CADPS: variants seen among roughly 807,000 people sequenced by gnomAD.
CADPS encodes the protein calcium dependent secretion activator, also known as calcium-dependent secretion activator 1.
CADPS carries 57 observed loss-of-function variants against 167.3 expected under a neutral mutation model. The observed-to-expected ratio is 0.34, with a 90% confidence interval of 0.28 to 0.42. The LOEUF is 0.42. CADPS is among the 20% of genes least tolerant of loss of function. The pLI is 1.00. For missense variants in CADPS, 1,414 were observed against 1,738.1 expected (o/e 0.81, Z 3.32); for synonymous variants, 676 against 635.3 (o/e 1.06, Z -0.96).
At chr3:62,533,709 C>T (rs1031664858) in intron 12 of CADPS, among the ~76,000 whole-genome samples, 7 of 152,098 alleles carry the variant, frequency 4.6e-5, no homozygotes, top group African/African-American at 1.7e-4. Flanking sequence ...TACATACATG[C>T]CAGGACTTCA....
At chr3:62,775,218 GT>G (rs1184946592) in intron 1 of CADPS, among the ~76,000 whole-genome samples, 1 of 30,322 alleles carries the variant, frequency 3.3e-5, no homozygotes, top group African/African-American at 1.1e-4. Context: ...TTGTATTTTT[GT>G]ATTTTTTTTT....
chr3:62,784,459 G>T (rs1188622673), intron 1 of CADPS, among the ~76,000 whole-genome samples: 1 of 152,062 alleles, frequency 6.6e-6, no homozygotes, highest in Non-Finnish European at 1.5e-5. Context: ...TCTTCACCCT[G>T]TTGCAACTCC....
chr3:62,815,195 C>G (rs1465021575), intron 1 of CADPS, among the ~76,000 whole-genome samples: 1 of 151,924 alleles, frequency 6.6e-6, no homozygotes, highest in Non-Finnish European at 1.5e-5. Flanking sequence ...TAGCCCTGTA[C>G]TGGAAACAAC....
chr3:62,627,109 A>T (rs949918036), intron 6 of CADPS, among the ~76,000 whole-genome samples: 1 of 148,956 alleles, frequency 6.7e-6, no homozygotes, highest in African/African-American at 2.5e-5. Context: ...AATCATTTCC[A>T]TGTTACATTT....
rs554428374 is a variant in CADPS, at chr3:62,495,769, T to C, written c.2707-2104A>G. On this transcript the variant is annotated intron_variant, in intron 18 of 29. Coordinates refer to ENST00000383710, the MANE Select transcript of CADPS (RefSeq NM_003716.4). ...CATGAAGGCATAATTCGTGTGTGTA[T>C]GTTTGTGAATAGATTAGACTCTGGA... 7.9e-5 allele frequency among the ~76,000 whole-genome samples: 12 copies of C among 152,336 alleles called. No homozygotes were observed. The East Asian group carries it at 2.3e-3, about 29-fold the overall frequency.
chr3:62,479,899 G>T (rs1431554247), intron 22 of CADPS, among the ~76,000 whole-genome samples: 14 of 152,156 alleles, frequency 9.2e-5, no homozygotes, highest in African/African-American at 3.4e-4. Flanking sequence ...CTATGCTTGG[G>T]AAAAAGAAAC....
chr3:62,491,398 C>A lies in CADPS; in HGVS notation c.2967G>T (p.Glu989Asp), dbSNP rs1036402798. Residue 989 changes from glutamate (E) to aspartate (D), a missense_variant, in exon 21 of 30, where the codon GAG becomes GAT. This residue lies in a region of CADPS where 529 missense variants were observed against 629.6 expected (regional missense o/e 0.84). Coordinates refer to ENST00000383710, the MANE Select transcript of CADPS (RefSeq NM_003716.4). ...TGTGAATGGATTGTGCAATTGAGGA[C>A]TCCATCAGATCCACATATCTAACAA... is the stretch of plus-strand genomic sequence containing the variant. ...PLVVRYVDLMESSIAQSIHRG... is the reference protein window; with the variant it reads ...PLVVRYVDLMDSSIAQSIHRG... 2.5e-6 allele frequency: 4 copies of A among 1,614,170 alleles called. No homozygotes were observed. The highest frequency in any genetic ancestry group is 1.7e-5 in the Admixed American group (1 of 60,014).
intron 9 of CADPS, among the ~76,000 whole-genome samples, chr3:62,569,450 G>GGC (rs1370016515): frequency 1.3e-5 from 2 of 152,156 alleles, no homozygotes; most frequent in Non-Finnish European, 2.9e-5. Context: ...TGTTCTTTGC[G>GGC]GCTAAATCAC....
Position 62,767,520 on chromosome 3 carries a change from A to G in CADPS, c.442-1536T>C, listed in dbSNP as rs2087234135. ...TGATTTTACTGTTAGAGTCAATATA[A>G]TTAGAAAATAAAGTTTAAAGCTTTA... On this transcript the variant is annotated intron_variant, in intron 1 of 29. Transcript: ENST00000383710. Among the ~76,000 whole-genome samples, 4 of 152,226 alleles carry G rather than the reference A, an allele frequency of 2.6e-5. No individual in the cohort carries two copies. The South Asian group carries it at 8.3e-4, about 32-fold the overall frequency.
At chr3:62,543,672 A>T (rs959075025) in intron 11 of CADPS, among the ~76,000 whole-genome samples, 2 of 152,130 alleles carry the variant, frequency 1.3e-5, no homozygotes, top group Non-Finnish European at 2.9e-5. Flanking sequence ...GGAAACAAAA[A>T]AAATTTGAAG....
chr3:62,429,720 A>C (rs2149579726), intron 28 of CADPS, among the ~76,000 whole-genome samples: 1 of 151,526 alleles, frequency 6.6e-6, no homozygotes, highest in South Asian at 2.1e-4. Context: ...AAAAAAAAAA[A>C]CCCCTGTTCT....
intron 13 of CADPS, among the ~76,000 whole-genome samples, chr3:62,521,088 T>C (rs1483456924): frequency 4.6e-5 from 7 of 152,120 alleles, no homozygotes; most frequent in Non-Finnish European, 1.0e-4. Flanking sequence ...ACAACCTGGA[T>C]TGGTTGGTCC....
rs576079385 is a variant in CADPS, at chr3:62,746,599, A to G, written c.888+6842T>C. ...GCAATCCTCCCTCCACAGTTTCCCA[A>G]AGTGTTGGGATTTCAGATGTGAGCC... On this transcript the variant is annotated intron_variant, in intron 3 of 29. Transcript: ENST00000383710. Among the ~76,000 whole-genome samples the G allele has an allele frequency of 8.2e-4, 125 of 152,208 alleles. 1 individual carries two copies. The highest frequency in any genetic ancestry group is 2.6e-3 in the African/African-American group (109 of 41,542).
chr3:62,658,834 G>C (rs1030041425), intron 4 of CADPS, among the ~76,000 whole-genome samples: 2 of 152,092 alleles, frequency 1.3e-5, no homozygotes, highest in Non-Finnish European at 2.9e-5. Context: ...GAACCAAGTT[G>C]GGCCAGTGAG....
intron 1 of CADPS, among the ~76,000 whole-genome samples, chr3:62,806,769 A>G (rs2094124493): frequency 6.6e-6 from 1 of 152,138 alleles, no homozygotes; most frequent in African/African-American, 2.4e-5. Context: ...TTTTTTAAAA[A>G]AGGAAACAAG....
intron 1 of CADPS, among the ~76,000 whole-genome samples, chr3:62,854,818 G>A (rs2079337654): frequency 6.6e-6 from 1 of 152,060 alleles, no homozygotes; most frequent in South Asian, 2.1e-4. Flanking sequence ...TGGAGTGCTA[G>A]TTTTCTAAAC....
intron 7 of CADPS, among the ~76,000 whole-genome samples, chr3:62,586,624 T>G (rs942999956): frequency 6.6e-6 from 1 of 152,216 alleles, no homozygotes; most frequent in Non-Finnish European, 1.5e-5. Flanking sequence ...GAAATATACA[T>G]TCTTGCTAAC....
chr3:62,781,206 A>C (rs535813434), intron 1 of CADPS, among the ~76,000 whole-genome samples: 1 of 152,140 alleles, frequency 6.6e-6, no homozygotes, highest in Non-Finnish European at 1.5e-5. Flanking sequence ...CAGACTCCAC[A>C]ATCTCTCTCA....
At chr3:62,443,205 T>G (rs549725359) in intron 27 of CADPS, among the ~76,000 whole-genome samples, 1 of 152,366 alleles carries the variant, frequency 6.6e-6, no homozygotes, top group South Asian at 2.1e-4. Context: ...ACTAACCCGA[T>G]GTGGGATCCT....
Sources: allele counts gnomAD v4.1 joint callset (sites outside exome capture counted in the v4.1 genomes callset), GRCh38; gene constraint gnomAD v4.1.1; regional missense constraint gnomAD v4.1.1; transcripts MANE v1.5; gene names NCBI Gene and HGNC (gene_info 2026-07-23, HGNC 2026-07-21).